ROBO2: variants seen among roughly 807,000 people sequenced by gnomAD.
The protein encoded by ROBO2 is roundabout homolog 2.
ROBO2 carries 53 observed loss-of-function variants against 160.8 expected under a neutral mutation model. That is an observed-to-expected ratio of 0.33 (90% CI 0.26 to 0.41). The LOEUF (loss-of-function observed/expected upper bound fraction) is 0.41. Among genes scored for constraint, ROBO2 ranks in the 10% least tolerant of loss-of-function variants. The probability of loss-of-function intolerance (pLI) is 1.00; values close to 1 mark genes in which losing one functional copy is unlikely to be tolerated. For synonymous variants in ROBO2, 664 were observed against 611.7 expected (o/e 1.09, Z -1.26); for missense variants, 1,577 against 1,722.4 (o/e 0.92, Z 1.49).
intron 2 of ROBO2, among the ~76,000 whole-genome samples, chr3:76,818,069 T>C (rs959902670): frequency 1.3e-5 from 2 of 152,092 alleles, no homozygotes; most frequent in African/African-American, 4.8e-5. Context: ...CTTTAAGGAA[T>C]CTCCACACTG....
chr3:75,976,804 G>A (rs983210590), intron 2 of ROBO2, among the ~76,000 whole-genome samples: 7 of 151,400 alleles, frequency 4.6e-5, no homozygotes, highest in African/African-American at 1.7e-4. Flanking sequence ...AAATAAAAGG[G>A]AGAGAAATCC....
chr3:77,119,179 C>T lies in ROBO2; in HGVS notation c.388+20839C>T, dbSNP rs574812939. Among the ~76,000 whole-genome samples, 6 of 152,282 alleles carry T rather than the reference C, an allele frequency of 3.9e-5. No homozygotes were observed. The East Asian group carries it at 1.2e-3, about 29-fold the overall frequency. ...GACCTTCTGCCATGATTGTAAGTTT[C>T]CTGAGGCCTCCCCAGCCATGCAGAA... On this transcript the variant is annotated intron_variant, in intron 2 of 25. Coordinates refer to ENST00000461745, the Ensembl canonical transcript of ROBO2.
chr3:76,724,448 T>C (rs1006872891), intron 2 of ROBO2, among the ~76,000 whole-genome samples: 18 of 152,200 alleles, frequency 1.2e-4, no homozygotes, highest in Admixed American at 3.9e-4. Context: ...CAGTACCATA[T>C]TTGTTATTCT....
chr3:75,920,710 T>G (rs974518331), intron 1 of ROBO2, among the ~76,000 whole-genome samples: 38 of 152,294 alleles, frequency 2.5e-4, no homozygotes, highest in African/African-American at 8.9e-4. Context: ...ATCCTGGTGC[T>G]CCTGTATTTG....
chr3:77,403,887 T>C (rs890803457), intron 2 of ROBO2, among the ~76,000 whole-genome samples: 30 of 152,106 alleles, frequency 2.0e-4, no homozygotes, highest in African/African-American at 7.0e-4. Flanking sequence ...TTTTTTAAGT[T>C]GGCACTCTGT....
At chr3:77,589,572 C>T (rs948990994) in intron 17 of ROBO2, among the ~76,000 whole-genome samples, 1 of 151,924 alleles carries the variant, frequency 6.6e-6, no homozygotes, top group Admixed American at 6.6e-5. Flanking sequence ...AAAAGAAGAC[C>T]CTAGATGGTC....
At chr3:77,038,761 T>C (rs2063789206), upstream of ROBO2, among the ~76,000 whole-genome samples, 1 of 152,226 alleles carries the variant, frequency 6.6e-6, no homozygotes, top group South Asian at 2.1e-4. Flanking sequence ...GTGACCTTCC[T>C]TCATCATCCC....
intron 2 of ROBO2, among the ~76,000 whole-genome samples, chr3:76,915,803 A>G (rs565962188): frequency 6.6e-6 from 1 of 152,282 alleles, no homozygotes; most frequent in East Asian, 1.9e-4. Flanking sequence ...CAACAAAAAT[A>G]TCACAAACCA....
chr3:76,742,322 T>G (rs1282641517), intron 2 of ROBO2, among the ~76,000 whole-genome samples: 4 of 152,150 alleles, frequency 2.6e-5, no homozygotes, highest in Non-Finnish European at 5.9e-5. Flanking sequence ...AAATCTTGCA[T>G]TCTTATAATT....
At chr3:76,210,872 T>C (rs1305574169) in intron 2 of ROBO2, among the ~76,000 whole-genome samples, 1 of 152,154 alleles carries the variant, frequency 6.6e-6, no homozygotes, top group Non-Finnish European at 1.5e-5. Flanking sequence ...TTATTAAATC[T>C]ATCATTTGTG....
At chr3:76,432,101 A>G (rs1039295828) in intron 2 of ROBO2, among the ~76,000 whole-genome samples, 6 of 152,178 alleles carry the variant, frequency 3.9e-5, no homozygotes, top group Non-Finnish European at 7.4e-5. Flanking sequence ...TTGGTCTCCT[A>G]CAAAGTTGTA....
intron 2 of ROBO2, among the ~76,000 whole-genome samples, chr3:77,394,880 TA>T (rs1458693142): frequency 6.6e-6 from 1 of 152,198 alleles, no homozygotes; most frequent in Admixed American, 6.6e-5. Flanking sequence ...CGTACTACAT[TA>T]TTTTTTAACT....
intron 2 of ROBO2, among the ~76,000 whole-genome samples, chr3:76,800,086 T>C (rs910202942): frequency 1.1e-4 from 16 of 152,182 alleles, no homozygotes; most frequent in African/African-American, 3.9e-4. Context: ...AGTGAACTCA[T>C]TTTTGACAAA....
chr3:76,342,887 A>T (rs1240081700), intron 2 of ROBO2, among the ~76,000 whole-genome samples: 9 of 152,144 alleles, frequency 5.9e-5, no homozygotes, highest in African/African-American at 2.2e-4. Context: ...TTAGTGACAC[A>T]GTTGTTTGAA....
chr3:77,333,410 A>G (rs1470991635), intron 2 of ROBO2, among the ~76,000 whole-genome samples: 1 of 152,236 alleles, frequency 6.6e-6, no homozygotes, highest in Non-Finnish European at 1.5e-5. Context: ...GTTTTATTAG[A>G]TTGATTAGAA....
intron 2 of ROBO2, among the ~76,000 whole-genome samples, chr3:76,610,840 C>A (rs116562178): frequency 0.011 from 1,740 of 152,318 alleles, 35 homozygotes; most frequent in African/African-American, 0.039. Context: ...CGTTACAGCT[C>A]TTTTACTCTC....
At chr3:76,509,124 G>A (rs1482783547) in intron 2 of ROBO2, among the ~76,000 whole-genome samples, 1 of 152,090 alleles carries the variant, frequency 6.6e-6, no homozygotes, top group Admixed American at 6.6e-5. Flanking sequence ...AACTACCTTT[G>A]TTATTCTTAG....
intron 2 of ROBO2, among the ~76,000 whole-genome samples, chr3:76,451,318 G>T (rs944035854): frequency 2.6e-5 from 4 of 152,130 alleles, no homozygotes; most frequent in African/African-American, 9.7e-5. Flanking sequence ...TCCTGTTTTT[G>T]TAGTGGGTTA....
At chr3:76,721,309 A>G (rs2107717608) in intron 2 of ROBO2, among the ~76,000 whole-genome samples, 2 of 152,324 alleles carry the variant, frequency 1.3e-5, no homozygotes, top group South Asian at 4.1e-4. Flanking sequence ...GATAAGAGAA[A>G]TAAACACATT....
Sources: allele counts gnomAD v4.1 joint callset (sites outside exome capture counted in the v4.1 genomes callset), GRCh38; gene constraint gnomAD v4.1.1; transcripts MANE v1.5; gene names NCBI Gene and HGNC (gene_info 2026-07-23, HGNC 2026-07-21).